Variants in RCL1 observed in about 807,000 individuals in gnomAD.
RCL1 encodes the protein RNA terminal phosphate cyclase like 1, also known as RNA 3'-terminal phosphate cyclase-like protein.
Under a neutral mutation model 42.4 loss-of-function variants are expected in RCL1, and 24 were observed. The observed-to-expected ratio is 0.57, with a 90% CI of 0.41 to 0.80. The LOEUF (loss-of-function observed/expected upper bound fraction) is 0.80, where lower values mean the gene tolerates loss of function less well. Ranked by LOEUF, RCL1 falls within the 30% of genes least tolerant of loss-of-function variation. RCL1 has a pLI of 0.00. For missense variants in RCL1, 578 were observed against 467.9 expected, an observed-to-expected ratio of 1.24 and a Z score of -2.17; for synonymous variants, 228 against 177.3, an observed-to-expected ratio of 1.29 and a Z score of -2.27.
rs566150017 is a variant in RCL1, at chr9:4,805,337, C to T, written c.136+12110C>T. ...CTAGGAGTTCCAGGTTACAGTGAGC[C>T]GTGATCATGCTTCTGCATTCTAGCC... On this transcript the variant is annotated intron_variant, in intron 1 of 8. Transcript: ENST00000381750. 4.6e-5 allele frequency among the ~76,000 whole-genome samples: 7 copies of T among 152,042 alleles called. No homozygotes were observed. The South Asian group carries it at 8.3e-4, about 18-fold the overall frequency.
chr9:4,842,702 T>A (rs1817374101), intron 6 of RCL1, among the ~76,000 whole-genome samples: 1 of 152,232 alleles, frequency 6.6e-6, no homozygotes, highest in Admixed American at 6.5e-5. Context: ...TAGCTCCTGA[T>A]GCTGTTCTTT....
At chr9:4,794,278 G>A (rs1465056516) in intron 1 of RCL1, among the ~76,000 whole-genome samples, 1 of 152,160 alleles carries the variant, frequency 6.6e-6, no homozygotes, top group South Asian at 2.1e-4. Context: ...GCACATAAAG[G>A]GCAGAAGATG....
Position 4,839,798 on chromosome 9 carries a change from T to C in RCL1, c.585-1434T>C, listed in dbSNP as rs985969850. 4.1e-5 allele frequency: 40 copies of C among 970,090 alleles called. No individual in the cohort carries two copies. The African/African-American group carries it at 5.8e-4, about 14-fold the overall frequency. The allele number at this position is 970,090 out of a possible 1,614,324, so 60.1% of individuals were successfully genotyped here. A position where few individuals can be genotyped will look rare whatever the true frequency, so the allele number is the denominator to read the frequency against. ...TACAGAGGTAAAGCCCTTGCCCTTA[T>C]AGAGTGTGTGGTCTCATTGAAGAGC... On this transcript the variant is annotated intron_variant, in intron 5 of 8. Transcript: ENST00000381750.
intron 1 of RCL1, among the ~76,000 whole-genome samples, chr9:4,810,631 C>A (rs1816142375): frequency 7.5e-6 from 1 of 133,642 alleles, no homozygotes; most frequent in South Asian, 2.5e-4. Flanking sequence ...CAAGAATATT[C>A]TTGTACAGTC....
intron 1 of RCL1, among the ~76,000 whole-genome samples, chr9:4,820,675 G>C (rs753900059): frequency 6.6e-6 from 1 of 152,174 alleles, no homozygotes; most frequent in East Asian, 1.9e-4. Flanking sequence ...TAGACACTTA[G>C]AAAGTTTGAA....
intron 7 of RCL1, among the ~76,000 whole-genome samples, chr9:4,846,614 G>T (rs536661755): frequency 6.6e-5 from 10 of 152,288 alleles, no homozygotes; most frequent in African/African-American, 2.4e-4. Context: ...TGGGTCTCTT[G>T]TTGTGCAGGA....
chr9:4,837,525 C>T (rs576550791), intron 5 of RCL1, among the ~76,000 whole-genome samples: 1 of 152,166 alleles, frequency 6.6e-6, no homozygotes, highest in African/African-American at 2.4e-5. Context: ...GGAATCCAGT[C>T]TCTGTAGTCT....
chr9:4,823,242 CT>C (rs1194046299), intron 1 of RCL1, among the ~76,000 whole-genome samples: 1 of 149,114 alleles, frequency 6.7e-6, no homozygotes, highest in African/African-American at 2.5e-5. Flanking sequence ...GGGTTTTATG[CT>C]GCTGAAAGTA....
chr9:4,810,351 C>G (rs1376520113), intron 1 of RCL1, among the ~76,000 whole-genome samples: 1 of 152,146 alleles, frequency 6.6e-6, no homozygotes, highest in East Asian at 1.9e-4. Context: ...TTCCCTCCCA[C>G]TGCCAAGGTA....
chr9:4,818,549 T>C (rs534739503), intron 1 of RCL1, among the ~76,000 whole-genome samples: 6 of 152,344 alleles, frequency 3.9e-5, no homozygotes, highest in African/African-American at 1.4e-4. Flanking sequence ...ATTTTGCATG[T>C]TAACAGCTCA....
rs117309097 is a variant in RCL1 at position 4,814,110 on chromosome 9, C to T, written c.137-9438C>T. ...CACACTTATACATATATAACCAGCA[C>T]GTTGTGCACATGTACCCTAGAACTT... On this transcript the variant is annotated intron_variant, in intron 1 of 8. Transcript: ENST00000381750. Among the ~76,000 whole-genome samples the T allele has an allele frequency of 5.5e-3, 830 of 151,848 alleles. 2 individuals carry two copies. The highest frequency in any genetic ancestry group is 0.01 in the Middle Eastern group (3 of 292).
chr9:4,804,060 G>C (rs1587694042), intron 1 of RCL1: 1 of 152,474 alleles, frequency 6.6e-6, no homozygotes, highest in Admixed American at 6.5e-5. Context: ...TTTTTGGCTT[G>C]TGCTCCTCCA....
At chr9:4,834,378 A>C in intron 5 of RCL1, 113 bp downstream of exon 5, 8 of 1,266,622 alleles carry the variant, frequency 6.3e-6, no homozygotes, top group Non-Finnish European at 8.5e-6. Context: ...TTAGACTACA[A>C]CTTTGAAAAG....
chr9:4,836,454 T>G (rs372847286), intron 5 of RCL1, among the ~76,000 whole-genome samples: 10 of 152,256 alleles, frequency 6.6e-5, no homozygotes, highest in African/African-American at 2.4e-4. Context: ...ATACATGTAC[T>G]GTGTAGGACA....
At chr9:4,812,862 T>G (rs557998587) in intron 1 of RCL1, among the ~76,000 whole-genome samples, 1 of 152,172 alleles carries the variant, frequency 6.6e-6, no homozygotes, top group African/African-American at 2.4e-5. Flanking sequence ...ATTGATTTCT[T>G]TTTCTGCTAA....
chr9:4,854,963 G>A (rs1817886781), intron 8 of RCL1, among the ~76,000 whole-genome samples: 1 of 149,772 alleles, frequency 6.7e-6, no homozygotes, highest in Non-Finnish European at 1.5e-5. Context: ...TGAGGCAGGA[G>A]AATCACTTGA....
chr9:4,826,622 G>A (rs112956135), intron 2 of RCL1, among the ~76,000 whole-genome samples: 1 of 152,190 alleles, frequency 6.6e-6, no homozygotes, highest in African/African-American at 2.4e-5. Flanking sequence ...ATGGCTCAGA[G>A]AGGGGTTTAC....
At chr9:4,837,317 T>G (rs920334415) in intron 5 of RCL1, among the ~76,000 whole-genome samples, 1 of 152,310 alleles carries the variant, frequency 6.6e-6, no homozygotes, top group African/African-American at 2.4e-5. Context: ...GGTTAATGGC[T>G]TTAACCACAA....
At chr9:4,821,585 A>G (rs1209717289) in intron 1 of RCL1, among the ~76,000 whole-genome samples, 1 of 152,242 alleles carries the variant, frequency 6.6e-6, no homozygotes, top group Non-Finnish European at 1.5e-5. Context: ...ACAGCTTCCC[A>G]TAGCAGAAAG....
Sources: gnomAD v4.1 joint callset for allele counts (sites outside exome capture counted in the v4.1 genomes callset) on GRCh38, gnomAD v4.1.1 for gene constraint, MANE v1.5 for transcripts, NCBI Gene and HGNC (gene_info 2026-07-23, HGNC 2026-07-21) for gene names.